PVT1: variants seen among roughly 807,000 people sequenced by gnomAD.
PVT1 encodes the protein Pvt1 oncogene, also known as CXCR4/PVT1 fusion.
intron 3 of PVT1, among the ~76,000 whole-genome samples, chr8:127,982,651 A>T (rs889221654): frequency 2.1e-5 from 3 of 145,948 alleles, no homozygotes; most frequent in South Asian, 2.2e-4. Flanking sequence ...CTCTACAAAA[A>T]TAATTAATTA....
intron 3 of PVT1, among the ~76,000 whole-genome samples, chr8:127,978,984 C>T (rs1400611351): frequency 6.6e-6 from 1 of 152,248 alleles, no homozygotes; most frequent in African/African-American, 2.4e-5. Flanking sequence ...TCAAGTGACC[C>T]TTCCGCCTTG....
intron 2 of PVT1, among the ~76,000 whole-genome samples, chr8:127,875,560 T>C (rs916520497): frequency 1.3e-5 from 2 of 152,206 alleles, no homozygotes; most frequent in Non-Finnish European, 1.5e-5. Flanking sequence ...TAATTTATTT[T>C]CCTTGTTTTC....
chr8:128,068,150 A>T (rs1813934178), intron 4 of PVT1, among the ~76,000 whole-genome samples: 2 of 148,298 alleles, frequency 1.3e-5, no homozygotes, highest in South Asian at 2.1e-4. Flanking sequence ...TGGACGTGAG[A>T]TTTTTTTTTT....
intron 3 of PVT1, among the ~76,000 whole-genome samples, chr8:127,903,126 A>T (rs1443775177): frequency 1.3e-5 from 2 of 152,142 alleles, no homozygotes; most frequent in African/African-American, 4.8e-5. Context: ...AATGAAAACC[A>T]TTCTGATTGG....
intron 2 of PVT1, among the ~76,000 whole-genome samples, chr8:127,865,703 G>A (rs2129759415): frequency 6.6e-6 from 1 of 152,334 alleles, no homozygotes; most frequent in East Asian, 1.9e-4. Flanking sequence ...AACTTTGTAT[G>A]TTCAGAACTG....
At chr8:128,043,830 C>CT (rs1158046188) in intron 4 of PVT1, among the ~76,000 whole-genome samples, 5,932 of 116,270 alleles carry the variant, frequency 0.051, 239 homozygotes, top group South Asian at 0.12. Flanking sequence ...AACATCTTGT[C>CT]TTTTTTTTTT....
At chr8:127,797,845 G>T (rs1487736963) in intron 2 of PVT1, among the ~76,000 whole-genome samples, 1 of 152,086 alleles carries the variant, frequency 6.6e-6, no homozygotes, top group Admixed American at 6.6e-5. Context: ...TATAAAATAG[G>T]ATGATTATTG....
chr8:127,923,475 G>C (rs1358468898), intron 3 of PVT1, among the ~76,000 whole-genome samples: 4 of 152,218 alleles, frequency 2.6e-5, no homozygotes, highest in Non-Finnish European at 5.9e-5. Flanking sequence ...TGATTTGGGG[G>C]AGGCCTCAGA....
chr8:127,817,001 C>T (rs1001104970), intron 2 of PVT1, among the ~76,000 whole-genome samples: 12 of 152,110 alleles, frequency 7.9e-5, no homozygotes, highest in Admixed American at 3.3e-4. Flanking sequence ...GAGTTGTTCG[C>T]AGGTGTCCCC....
intron 3 of PVT1, among the ~76,000 whole-genome samples, chr8:127,951,266 C>A (rs577421466): frequency 6.6e-6 from 1 of 152,284 alleles, no homozygotes; most frequent in East Asian, 1.9e-4. Flanking sequence ...AAACTTTCAT[C>A]CCACCTGCTC....
At chr8:127,997,148 G>C (rs981505989) in intron 4 of PVT1, among the ~76,000 whole-genome samples, 1 of 144,678 alleles carries the variant, frequency 6.9e-6, no homozygotes, top group East Asian at 2.2e-4. Context: ...TCTGCCTCCC[G>C]GGGTCAAGCG....
At chr8:128,014,493 G>C (rs1365000976) in intron 4 of PVT1, among the ~76,000 whole-genome samples, 2 of 152,162 alleles carry the variant, frequency 1.3e-5, no homozygotes, top group African/African-American at 2.4e-5. Flanking sequence ...TGCACATCTG[G>C]CCTCACTGTC....
intron 3 of PVT1, among the ~76,000 whole-genome samples, chr8:127,943,700 G>A (rs1816382783): frequency 6.6e-6 from 1 of 152,166 alleles, no homozygotes; most frequent in Non-Finnish European, 1.5e-5. Flanking sequence ...ATATGTGTGT[G>A]TAAAAATCTC....
intron 2 of PVT1, chr8:127,855,240 G>A: frequency 2.5e-6 from 1 of 398,820 alleles, no homozygotes; most frequent in Non-Finnish European, 4.4e-6. Flanking sequence ...TGTGGATTGA[G>A]CCGGTGAAGC....
chr8:127,948,307 G>A (rs1000799558), intron 3 of PVT1: 1 of 198,714 alleles, frequency 5.0e-6, no homozygotes, highest in African/African-American at 2.3e-5. Flanking sequence ...GCGTTTGGGG[G>A]AAGGAGACCG....
At chr8:128,020,111 G>T (rs1401288971) in intron 4 of PVT1, among the ~76,000 whole-genome samples, 1 of 152,040 alleles carries the variant, frequency 6.6e-6, no homozygotes, top group East Asian at 1.9e-4. Flanking sequence ...CTGTGGCAGG[G>T]CTCTCTACCC....
intron 4 of PVT1, among the ~76,000 whole-genome samples, chr8:128,053,597 T>G (rs1267197461): frequency 2.0e-5 from 3 of 152,128 alleles, no homozygotes; most frequent in Non-Finnish European, 2.9e-5. Context: ...ATGTTACCCC[T>G]AGGAAACAAG....
chr8:127,841,132 G>A (rs1814968495), intron 2 of PVT1, among the ~76,000 whole-genome samples: 1 of 152,218 alleles, frequency 6.6e-6, no homozygotes, highest in Non-Finnish European at 1.5e-5. Context: ...GCATTTGAGA[G>A]TAAGGCAAGA....
At chr8:127,857,142 C>T (rs1314917475) in intron 2 of PVT1, among the ~76,000 whole-genome samples, 1 of 151,930 alleles carries the variant, frequency 6.6e-6, no homozygotes, top group Non-Finnish European at 1.5e-5. Context: ...AGGAGAATTG[C>T]TTGAACATGG....
Sources: allele counts gnomAD v4.1 joint callset (sites outside exome capture counted in the v4.1 genomes callset), GRCh38; gene constraint gnomAD v4.1.1; transcripts MANE v1.5; gene names NCBI Gene and HGNC (gene_info 2026-07-23, HGNC 2026-07-21).